EIF4A3: variants seen among roughly 807,000 people sequenced by gnomAD.
The protein encoded by EIF4A3 is eukaryotic translation initiation factor 4A3.
A neutral mutation model predicts 55.6 loss-of-function variants in EIF4A3; 1 was observed. That is an observed-to-expected ratio of 0.02 (90% CI 0.01 to 0.09). The LOEUF is 0.09. Among genes scored for constraint, EIF4A3 ranks in the 10% least tolerant of loss-of-function variants. The pLI, the probability that EIF4A3 is intolerant of heterozygous loss-of-function variation, is 1.00. For synonymous variants in EIF4A3, 194 were observed against 196.3 expected (o/e 0.99, Z 0.10); for missense variants, 221 against 540.7 (o/e 0.41, Z 5.86).
Position 80,141,750 on chromosome 17 carries a change from CA to C in EIF4A3, c.309+31del, listed in dbSNP as rs759701238. The stretch of plus-strand genomic sequence containing the variant: ...AAAAAGCAAGTATTTCCTAGAATTA[CA>C]TAACAGTTTGTTTTAAGAATGGCAA... On this transcript the variant is annotated intron_variant, in intron 3 of 11. Transcript: ENST00000649764. 5.7e-6 allele frequency: 9 copies of C among 1,580,462 alleles called. No individual in the cohort carries two copies. The African/African-American group carries it at 9.4e-5, about 17-fold the overall frequency.
intron 1 of EIF4A3, 76 bp downstream of exon 1, chr17:80,146,717 T>TCA: frequency 2.6e-6 from 4 of 1,509,522 alleles, no homozygotes; most frequent in Non-Finnish European, 3.5e-6. Context: ...GGCCCGGGAG[T>TCA]CACCAGTCTG....
At chr17:80,141,941 C>T in intron 2 of EIF4A3, 93 bp from the exon 3 acceptor site, 1 of 1,011,448 alleles carries the variant, frequency 9.9e-7, no homozygotes, top group Non-Finnish European at 1.5e-6. Flanking sequence ...CACTTAGGTA[C>T]CTTCTTCCAG....
In EIF4A3 at chr17:80,138,960, C is replaced by T. The variant is rs1567848975; in HGVS notation, c.728+61G>A. The T allele has an allele frequency of 2.5e-6, 4 of 1,591,780 alleles. No homozygotes were observed. The Admixed American group carries it at 7.0e-5, about 28-fold the overall frequency. The stretch of plus-strand genomic sequence containing the variant: ...CTATAAAAAGTTTTTGAAATTACGA[C>T]ATAAAATCCTTTATAAATGCGGCCC... On this transcript the variant is annotated intron_variant, in intron 7 of 11. Transcript: ENST00000649764.
rs376148870 is a variant in EIF4A3 at position 80,136,175 on chromosome 17, A to G, written c.1092-44T>C. 4.8e-5 allele frequency: 78 copies of G among 1,613,236 alleles called. No individual in the cohort carries two copies. In the African/African-American group the frequency reaches 9.4e-4, roughly 19 times the overall value. On this transcript the variant is annotated intron_variant, in intron 10 of 11. Coordinates refer to ENST00000649764, the MANE Select transcript of EIF4A3 (RefSeq NM_014740.4). ...ATTACAGTTAGTATATATAACAATC[A>G]AGATTTAGTAAATGTGTCACAGAAG...
intron 7 of EIF4A3, 26 bp downstream of exon 7, chr17:80,138,995 G>C (rs1258871191): frequency 6.2e-7 from 1 of 1,611,188 alleles, no homozygotes; most frequent in Non-Finnish European, 8.5e-7. Context: ...CAGTGTTTTA[G>C]TAAACTTGAC....
At position 80,136,656 on chromosome 17, in the gene EIF4A3, G is replaced by A. The variant is rs192447008; in HGVS notation, c.984-321C>T. On this transcript the variant is annotated intron_variant, in intron 9 of 11. Coordinates refer to ENST00000649764, the MANE Select transcript of EIF4A3 (RefSeq NM_014740.4). ...GGGAAAAATACTTCACTTTTGCCTA[G>A]CAAAAAATTAAAAACGGTAACTTCA... is the stretch of plus-strand genomic sequence containing the variant. 3 of 290,890 alleles carry A rather than the reference G, an allele frequency of 1.0e-5. No individual in the cohort carries two copies. The South Asian group carries it at 2.3e-4, about 22-fold the overall frequency. The allele number at this position is 290,890 out of a possible 1,614,324, so 18.0% of individuals were successfully genotyped here. A position where few individuals can be genotyped will look rare whatever the true frequency, so the allele number is the denominator to read the frequency against.
chr17:80,139,235 G>C, intron 6 of EIF4A3, 73 bp from the exon 7 acceptor site: 1 of 1,578,668 alleles, frequency 6.3e-7, no homozygotes, highest in East Asian at 2.3e-5. Flanking sequence ...CACGCCCAGT[G>C]TTCCCACTGG....
At chr17:80,137,298 TG>T in intron 9 of EIF4A3, 87 bp downstream of exon 9, 2 of 1,144,070 alleles carry the variant, frequency 1.7e-6, no homozygotes, top group Non-Finnish European at 2.5e-6. Context: ...CCCCCGGGTG[TG>T]GGGCCTGCAC....
intron 7 of EIF4A3, 67 bp from the exon 8 acceptor site, chr17:80,138,347 C>A: frequency 1.3e-6 from 2 of 1,585,784 alleles, no homozygotes; most frequent in Non-Finnish European, 1.7e-6. Context: ...GTGGGCCAAG[C>A]CAGGATCCAG....
Position 80,138,288 on chromosome 17 carries a change from A to C in EIF4A3, c.729-8T>G. The C allele has an allele frequency of 6.2e-7, 1 of 1,613,560 alleles. No individual in the cohort carries two copies. ...TCCAGAGTCAATTCATCACTGAAGGACAAAGACAAATCCTGTTACATACTC... is the reference window on the plus strand; with the variant it reads ...TCCAGAGTCAATTCATCACTGAAGGCCAAAGACAAATCCTGTTACATACTC... On this transcript the variant is annotated splice_polypyrimidine_tract_variant and splice_region_variant and intron_variant, in intron 7 of 11. Transcript: ENST00000649764.
At chr17:80,137,685 C>CA (rs1184663343) in intron 8 of EIF4A3, 184 bp from the exon 9 acceptor site, 1 of 566,876 alleles carries the variant, frequency 1.8e-6, no homozygotes, top group Non-Finnish European at 3.1e-6. Context: ...GGTGCACTCA[C>CA]AAAACCCTCT....
At position 80,147,117 on chromosome 17, in the gene EIF4A3, C is replaced by CGACCTCGCTGTGCCGCTGCG; in HGVS notation, c.-157_-156insCGCAGCGGCACAGCGAGGTC. ...GCTGCCGACCTCGCTGTGCCGCTGC[C>CGACCTCGCTGTGCCGCTGCG]GACCTCGCTGTGCCGCTGCCGAGAA... On this transcript the variant is annotated 5_prime_UTR_variant, in exon 1 of 12. Coordinates refer to ENST00000649764, the MANE Select transcript of EIF4A3 (RefSeq NM_014740.4). 8.5e-7 allele frequency: 1 copy of CGACCTCGCTGTGCCGCTGCG among 1,182,866 alleles called. No individual in the cohort carries two copies. Among genetic ancestry groups the CGACCTCGCTGTGCCGCTGCG allele is most frequent in the East Asian group, 3.2e-5 (1 of 31,418 alleles). The allele number at this position is 1,182,866 out of a possible 1,614,324, so 73.3% of individuals were successfully genotyped here.
intron 4 of EIF4A3, 139 bp from the exon 5 acceptor site, chr17:80,140,279 T>G: frequency 8.7e-6 from 9 of 1,034,116 alleles, no homozygotes; most frequent in Non-Finnish European, 1.2e-5. Context: ...AAAATTCTCC[T>G]GCTCTTTTCT....
chr17:80,138,250 T>C lies in EIF4A3; in HGVS notation c.759A>G (p.Gln253=), dbSNP rs144407953. Residue 253 remains glutamine, a synonymous_variant, in exon 8 of 12, where the codon CAA becomes CAG. Transcript: ENST00000649764. ...CTTCCCTCTCCACTGCCACGAAAAA[T>C]TGCTTGATGCCTTCCAGAGTCAATT... ...RDELTLEGIK[Q]FFVAVEREEW... 8 of 1,613,908 alleles carry C rather than the reference T, an allele frequency of 5.0e-6. No individual in the cohort carries two copies. Among genetic ancestry groups the C allele is most frequent in the African/African-American group, 1.3e-5 (1 of 75,020 alleles).
chr17:80,146,964 T>C lies in EIF4A3; in HGVS notation c.-3A>G. On this transcript the variant is annotated 5_prime_UTR_variant, in exon 1 of 12. Transcript: ENST00000649764. ...GCCATCGTGGCCGTGGTCGCCATGA[T>C]TCAGAGTCCGCGGAAGAGCACAGCG... 1 of 1,603,390 alleles carries C rather than the reference T, an allele frequency of 6.2e-7. No homozygotes were observed. The highest frequency in any genetic ancestry group is 8.5e-7 in the Non-Finnish European group (1 of 1,177,248).
Position 80,134,921 on chromosome 17 carries a change from G to C in EIF4A3, c.*569C>G, listed in dbSNP as rs1345301244. On this transcript the variant is annotated 3_prime_UTR_variant, in exon 12 of 12. Coordinates refer to ENST00000649764, the MANE Select transcript of EIF4A3 (RefSeq NM_014740.4). ...AATCCCAGCACTTTGGGAGGCCGAGGTGGGTGGATCACGAGGTCAGGAGAT... is the reference window on the plus strand; with the variant it reads ...AATCCCAGCACTTTGGGAGGCCGAGCTGGGTGGATCACGAGGTCAGGAGAT... Among the ~76,000 whole-genome samples, 2 of 152,178 alleles carry C rather than the reference G, an allele frequency of 1.3e-5. No individual in the cohort carries two copies. Among genetic ancestry groups the C allele is most frequent in the Non-Finnish European group, 2.9e-5 (2 of 68,036 alleles).
intron 1 of EIF4A3, among the ~76,000 whole-genome samples, chr17:80,144,446 G>A (rs1414893266): frequency 1.3e-5 from 2 of 151,114 alleles, no homozygotes; most frequent in African/African-American, 4.9e-5. Flanking sequence ...GATATTATTT[G>A]TAAAGACCAA....
rs770575345 is a variant in EIF4A3 at position 80,134,831 on chromosome 17, C to T, written c.*659G>A. 2.0e-4 allele frequency among the ~76,000 whole-genome samples: 31 copies of T among 151,816 alleles called. No individual in the cohort carries two copies. Among genetic ancestry groups the T allele is most frequent in the Non-Finnish European group, 4.0e-4 (27 of 67,944 alleles). ...AGAGCAAAACTCATCAACGATGAAA[C>T]TCTTTCCAAAAAAAAAGATTAGAAA... On this transcript the variant is annotated 3_prime_UTR_variant, in exon 12 of 12. Transcript: ENST00000649764.
intron 8 of EIF4A3, chr17:80,137,747 C>T: frequency 2.0e-6 from 1 of 494,876 alleles, no homozygotes; most frequent in Non-Finnish European, 3.6e-6. Flanking sequence ...GCCAGGTGTG[C>T]TCATTCTCAT....
Sources: allele counts gnomAD v4.1 joint callset (sites outside exome capture counted in the v4.1 genomes callset), GRCh38; gene constraint gnomAD v4.1.1; transcripts MANE v1.5; gene names NCBI Gene and HGNC (gene_info 2026-07-23, HGNC 2026-07-21).